Variants in ZNF578 observed in about 807,000 individuals in gnomAD.
ZNF578 encodes the protein zinc finger protein 578, also known as Putative chemokine-related protein B42.
A neutral mutation model predicts 8.3 loss-of-function variants in ZNF578; 8 were observed. The observed-to-expected ratio is 0.96, with a 90% CI of 0.56 to 1.74. ZNF578 has a LOEUF of 1.74. Among genes scored for constraint, ZNF578 ranks in the 40% most tolerant of loss-of-function variants. The pLI is 0.00. For synonymous variants in ZNF578, 206 were observed against 232.2 expected (o/e 0.89, Z 1.03); for missense variants, 726 against 707.5 (o/e 1.03, Z -0.30).
intron 2 of ZNF578, among the ~76,000 whole-genome samples, chr19:52,470,222 G>A (rs1171136113): frequency 1.3e-5 from 2 of 152,084 alleles, no homozygotes; most frequent in South Asian, 2.1e-4. Flanking sequence ...AGGCAGATGC[G>A]AGGCAAGGCA....
chr19:52,469,705 C>G (rs2059286203), intron 2 of ZNF578, among the ~76,000 whole-genome samples: 1 of 152,130 alleles, frequency 6.6e-6, no homozygotes, highest in African/African-American at 2.4e-5. Context: ...TTCAACATTT[C>G]TGGAGAACCA....
At chr19:52,493,634 G>T (rs569552249) in intron 3 of ZNF578, among the ~76,000 whole-genome samples, 1 of 152,086 alleles carries the variant, frequency 6.6e-6, no homozygotes, top group African/African-American at 2.4e-5. Flanking sequence ...GAGACGCAGA[G>T]ATAAGAGGCG....
At position 52,512,089 on chromosome 19, in the gene ZNF578, A is replaced by C. The variant is rs776425071; in HGVS notation, c.1708A>C (p.Asn570His). ...TAGCGGAGAGAAACCTTACAAGTGT[A>C]ATGAGTGTGGTAAGGCTCACAATCA... ...IHSGEKPYKC[N>H]ECGKAHNHLI... is the part of the protein sequence containing the mutation. Residue 570 changes from asparagine (N) to histidine (H), a missense_variant, in exon 6 of 6, where the codon AAT becomes CAT. Physicochemically the swap from Asn to His is moderately conservative, Grantham distance 68. Transcript: ENST00000421239. 2 of 1,613,812 alleles carry C rather than the reference A, an allele frequency of 1.2e-6. No individual in the cohort carries two copies. Among genetic ancestry groups the C allele is most frequent in the African/African-American group, 2.7e-5 (2 of 74,868 alleles).
chr19:52,499,688 C>T (rs161932), intron 3 of ZNF578, among the ~76,000 whole-genome samples: 96,334 of 146,742 alleles, frequency 0.66, 33,625 homozygotes, highest in African/African-American at 0.9. Flanking sequence ...ACTTCCAAAT[C>T]GTTTTTTTTT....
At chr19:52,463,660 T>TTCCC (rs1294534722) in intron 2 of ZNF578, among the ~76,000 whole-genome samples, 1 of 152,196 alleles carries the variant, frequency 6.6e-6, no homozygotes, top group East Asian at 1.9e-4. Flanking sequence ...TAAGGCAGTT[T>TTCCC]TAATATGCAG....
chr19:52,469,848 G>A (rs2059286671), intron 2 of ZNF578, among the ~76,000 whole-genome samples: 1 of 152,140 alleles, frequency 6.6e-6, no homozygotes, highest in South Asian at 2.1e-4. Context: ...GGTACCCTGG[G>A]TGCGACTGTT....
In ZNF578 at chr19:52,515,387, G is replaced by GT. The variant is rs1491176131; in HGVS notation, c.*3239dup. Among the ~76,000 whole-genome samples, 5 of 152,154 alleles carry GT rather than the reference G, an allele frequency of 3.3e-5. No individual in the cohort carries two copies. The highest frequency in any genetic ancestry group is 7.3e-5 in the Non-Finnish European group (5 of 68,030). On this transcript the variant is annotated 3_prime_UTR_variant, in exon 6 of 6. Transcript: ENST00000421239. ...CTGCATTTTATAAATGTTCCTGTGA[G>GT]TTTTTTGTAAGGAAGAATTAACTGT...
intron 4 of ZNF578, among the ~76,000 whole-genome samples, chr19:52,502,314 G>A (rs419317): frequency 0.65 from 98,710 of 152,160 alleles, 33,284 homozygotes; most frequent in African/African-American, 0.84. Context: ...ATGTGCCCAG[G>A]TATGTGGCAA....
Position 52,515,725 on chromosome 19 carries a change from G to T in ZNF578, c.*3571G>T, listed in dbSNP as rs1254658199. Among the ~76,000 whole-genome samples the T allele has an allele frequency of 1.4e-4, 21 of 151,676 alleles. No homozygotes were observed. Among genetic ancestry groups the T allele is most frequent in the Admixed American group, 1.3e-3 (20 of 15,252 alleles). ...TTGGCAAAATGGAGTGCGTGTCTGG[G>T]TGTGGCTTTTTTTTTTTTGAGGAGT... On this transcript the variant is annotated 3_prime_UTR_variant, in exon 6 of 6. Coordinates refer to ENST00000421239, the MANE Select transcript of ZNF578 (RefSeq NM_001099694.2).
chr19:52,497,858 C>T (rs767922487), intron 3 of ZNF578, among the ~76,000 whole-genome samples: 1 of 152,076 alleles, frequency 6.6e-6, no homozygotes, highest in African/African-American at 2.4e-5. Context: ...GTAAGTGTCC[C>T]CCTCAAGTCC....
intron 2 of ZNF578, among the ~76,000 whole-genome samples, chr19:52,476,836 C>G (rs917292061): frequency 6.6e-6 from 1 of 152,206 alleles, no homozygotes; most frequent in Non-Finnish European, 1.5e-5. Flanking sequence ...CACATCAGCT[C>G]CTGTGTCCAT....
intron 5 of ZNF578, among the ~76,000 whole-genome samples, chr19:52,506,471 T>C (rs1434573927): frequency 9.0e-6 from 1 of 111,246 alleles, no homozygotes; most frequent in Admixed American, 8.3e-5. Context: ...TCTTTTTTTT[T>C]TTTTTTTTTT....
rs148859685 is a variant in ZNF578 at position 52,511,326 on chromosome 19, C to G, written c.945C>G (p.Tyr315Ter). Reference protein sequence around the residue: ...HRRCHTGEKPYKCNECGKSFS... With the variant: ...HRRCHTGEKP ...GATGTCACACTGGTGAGAAACCTTA[C>G]AAGTGTAATGAATGTGGAAAGTCCT... is the stretch of plus-strand genomic sequence containing the variant. The change falls in exon 6 of 6, where the codon TAC (tyrosine) becomes TAG (stop). Residue 315 changes from tyrosine to a stop codon, truncating the protein, a stop_gained. Transcript: ENST00000421239. LOFTEE classifies it low-confidence loss of function (END_TRUNC). 8.1e-5 allele frequency: 131 copies of G among 1,614,004 alleles called. No individual in the cohort carries two copies. The African/African-American group carries it at 1.5e-3, about 18-fold the overall frequency.
chr19:52,505,130 G>T (rs749777541), intron 5 of ZNF578, among the ~76,000 whole-genome samples: 3 of 152,070 alleles, frequency 2.0e-5, no homozygotes, highest in Non-Finnish European at 2.9e-5. Flanking sequence ...CAGGTGATCC[G>T]CCCACCTTGG....
At chr19:52,507,493 G>T (rs564059235) in intron 5 of ZNF578, among the ~76,000 whole-genome samples, 81 of 152,282 alleles carry the variant, frequency 5.3e-4, no homozygotes, top group African/African-American at 1.9e-3. Context: ...GGAGAATCGT[G>T]CCACTGCACT....
intron 3 of ZNF578, among the ~76,000 whole-genome samples, chr19:52,499,049 G>A (rs2059397434): frequency 6.6e-6 from 1 of 152,090 alleles, no homozygotes; most frequent in South Asian, 2.1e-4. Flanking sequence ...CATCACATTG[G>A]AATCAGCCAC....
intron 2 of ZNF578, chr19:52,457,918 A>G: frequency 6.5e-6 from 1 of 153,794 alleles, no homozygotes. Flanking sequence ...TCCATCTCAC[A>G]GTGACTGGTG....
Position 52,501,904 on chromosome 19 carries a change from C to G in ZNF578, c.59C>G (p.Pro20Arg). 1 of 1,613,066 alleles carries G rather than the reference C, an allele frequency of 6.2e-7. No individual in the cohort carries two copies. Among genetic ancestry groups the G allele is most frequent in the Non-Finnish European group, 8.5e-7 (1 of 1,179,696 alleles). Reference sequence around the variant, plus strand: ...GGAAAGGAGCCAGGCATGGCTCTTCCTCAGGTGAAGTGATATTCCTCTGTG... The same window carrying G: ...GGAAAGGAGCCAGGCATGGCTCTTCGTCAGGTGAAGTGATATTCCTCTGTG... ...RKGKEPGMAL[P>R]QGRLTFRDVA... Residue 20 changes from proline to arginine, a missense_variant, in exon 4 of 6, where the codon CCT becomes CGT. Pro to Arg is a moderately radical substitution (Grantham distance 103, BLOSUM62 -2). Transcript: ENST00000421239.
intron 2 of ZNF578, among the ~76,000 whole-genome samples, chr19:52,479,133 T>G (rs1599891703): frequency 8.0e-6 from 1 of 124,284 alleles, no homozygotes; most frequent in African/African-American, 3.7e-5. Flanking sequence ...AGTTAATGTC[T>G]GACAACTAAC....
Sources: gnomAD v4.1 joint callset for allele counts (sites outside exome capture counted in the v4.1 genomes callset) on GRCh38, gnomAD v4.1.1 for gene constraint, MANE v1.5 for transcripts, NCBI Gene and HGNC (gene_info 2026-07-23, HGNC 2026-07-21) for gene names.